Variants in NFIA observed in about 807,000 individuals in gnomAD.
NFIA encodes nuclear factor I A, also known as nuclear factor 1 A-type.
In NFIA, 8 loss-of-function variants were observed where a neutral mutation model predicts 62.8. The observed-to-expected ratio is 0.13, with a 90% CI of 0.07 to 0.23. NFIA has a LOEUF of 0.23. NFIA is among the 10% of genes least tolerant of loss of function. The probability of loss-of-function intolerance (pLI) is 1.00; values close to 1 mark genes in which losing one functional copy is unlikely to be tolerated. For missense variants in NFIA, 410 were observed against 642.1 expected, an observed-to-expected ratio of 0.64 and a Z score of 3.91; for synonymous variants, 235 against 238.1, an observed-to-expected ratio of 0.99 and a Z score of 0.12.
At chr1:61,185,102 G>A (rs553699177) in intron 2 of NFIA, among the ~76,000 whole-genome samples, 1 of 152,276 alleles carries the variant, frequency 6.6e-6, no homozygotes, top group South Asian at 2.1e-4. Context: ...CTTTTGGGGG[G>A]TAACAGAAAA....
chr1:61,130,324 C>G (rs968905892), intron 2 of NFIA, among the ~76,000 whole-genome samples: 2 of 152,026 alleles, frequency 1.3e-5, no homozygotes, highest in African/African-American at 4.8e-5. Flanking sequence ...GTACAACAGA[C>G]AGATGTCATC....
chr1:61,216,723 G>A (rs1653648559), intron 2 of NFIA, among the ~76,000 whole-genome samples: 1 of 152,178 alleles, frequency 6.6e-6, no homozygotes, highest in Non-Finnish European at 1.5e-5. Flanking sequence ...ATTGAGGCTG[G>A]AAGCAGTGGC....
intron 2 of NFIA, among the ~76,000 whole-genome samples, chr1:61,089,251 C>A (rs1038922640): frequency 6.6e-6 from 1 of 152,162 alleles, no homozygotes; most frequent in Non-Finnish European, 1.5e-5. Flanking sequence ...CTAAGGGAAA[C>A]AAACCAGCTC....
intron 2 of NFIA, among the ~76,000 whole-genome samples, chr1:61,176,979 G>A (rs930419666): frequency 2.6e-5 from 4 of 151,966 alleles, no homozygotes; most frequent in African/African-American, 4.8e-5. Context: ...GGTGGCGGGC[G>A]CCTGTAGTCC....
At position 61,460,693 on chromosome 1, in the gene NFIA, A is replaced by G. The variant is rs1289750716; in HGVS notation, c.*5373A>G. ...TATATTAAAATGTAGTGCCTGTGAA[A>G]TCTGTATTATATTGCTCTTCTGAAG... On this transcript the variant is annotated 3_prime_UTR_variant, in exon 11 of 11. Transcript: ENST00000403491. The G allele has an allele frequency of 6.6e-6, 1 of 152,224 alleles. No homozygotes were observed. Among genetic ancestry groups the G allele is most frequent in the Non-Finnish European group, 1.5e-5 (1 of 68,048 alleles). 9.4% of individuals were successfully genotyped at this position (152,224 alleles called of 1,614,324 possible).
chr1:61,334,535 A>ATGTGTGTGTGTG lies in NFIA; in HGVS notation c.700+1959_700+1970dup, dbSNP rs35661377. Among the ~76,000 whole-genome samples the ATGTGTGTGTGTG allele has an allele frequency of 6.2e-3, 360 of 58,356 alleles. 28 individuals carry two copies. The highest frequency in any genetic ancestry group is 0.018 in the African/African-American group (151 of 8,606). 38.3% of individuals were successfully genotyped at this position (58,356 alleles called of 152,430 possible). A position where few individuals can be genotyped will look rare whatever the true frequency, so the allele number is the denominator to read the frequency against. ...GGGGAGTATTTGTGTGTGTGTATAT[A>ATGTGTGTGTGTG]TGTGTGTGTGTGTGTGTGTGTATAT... On this transcript the variant is annotated intron_variant, in intron 4 of 10. Transcript: ENST00000403491.
intron 2 of NFIA, among the ~76,000 whole-genome samples, chr1:61,219,987 A>AAAT (rs1410228700): frequency 6.7e-6 from 1 of 149,496 alleles, no homozygotes; most frequent in Non-Finnish European, 1.5e-5. Flanking sequence ...ATAAATAAAT[A>AAAT]AATAACGCAT....
chr1:61,329,383 T>A (rs1350684166), intron 3 of NFIA, among the ~76,000 whole-genome samples: 1 of 104,044 alleles, frequency 9.6e-6, no homozygotes, highest in African/African-American at 6.6e-5. Flanking sequence ...TTAAAGTAAT[T>A]TTTTTTTTTT....
At chr1:61,389,726 C>A (rs866607512) in intron 7 of NFIA, among the ~76,000 whole-genome samples, 1 of 146,374 alleles carries the variant, frequency 6.8e-6, no homozygotes, top group African/African-American at 2.6e-5. Flanking sequence ...CATAATATAA[C>A]CTGTGCCATC....
intron 2 of NFIA, among the ~76,000 whole-genome samples, chr1:61,206,000 T>C (rs976419944): frequency 2.1e-5 from 3 of 146,110 alleles, no homozygotes; most frequent in African/African-American, 7.6e-5. Flanking sequence ...CACTACACCC[T>C]GACCTCCCTG....
Position 61,406,744 on chromosome 1 carries a change from C to T in NFIA, c.1420+17C>T. ...CGTCACCAAGTAAGTATGGCTGCGA[C>T]AAGGCGCCGGTCACTTCTAAAGCTG... On this transcript the variant is annotated intron_variant, in intron 9 of 10. Coordinates refer to ENST00000403491, the MANE Select transcript of NFIA (RefSeq NM_001134673.4). The T allele has an allele frequency of 5.0e-6, 8 of 1,589,284 alleles. No individual in the cohort carries two copies. Among genetic ancestry groups the T allele is most frequent in the Non-Finnish European group, 6.9e-6 (8 of 1,167,316 alleles).
intron 3 of NFIA, among the ~76,000 whole-genome samples, chr1:61,286,594 A>G (rs138871457): frequency 7.9e-5 from 12 of 152,316 alleles, no homozygotes; most frequent in African/African-American, 2.9e-4. Flanking sequence ...TATTTATCAA[A>G]TACACTCTAA....
chr1:61,096,721 T>A (rs894791371), intron 2 of NFIA, among the ~76,000 whole-genome samples: 14 of 151,586 alleles, frequency 9.2e-5, no homozygotes, highest in Non-Finnish European at 4.4e-5. Context: ...CCAGGCTAAT[T>A]TTTGTATTTT....
intron 2 of NFIA, among the ~76,000 whole-genome samples, chr1:61,210,397 T>C (rs2100602636): frequency 6.6e-6 from 1 of 152,354 alleles, no homozygotes; most frequent in African/African-American, 2.4e-5. Flanking sequence ...GGCTTTAATG[T>C]ACTTTTTTCC....
chr1:61,447,987 C>G (rs1667893766), intron 10 of NFIA, among the ~76,000 whole-genome samples: 3 of 152,178 alleles, frequency 2.0e-5, no homozygotes, highest in Non-Finnish European at 4.4e-5. Flanking sequence ...TTAACACACC[C>G]TAAGCTGCTT....
intron 2 of NFIA, among the ~76,000 whole-genome samples, chr1:61,200,231 A>T (rs1233827133): frequency 1.3e-5 from 2 of 151,152 alleles, no homozygotes; most frequent in East Asian, 3.9e-4. Context: ...CTCCCCTTTG[A>T]CTAGCGTCAT....
At chr1:61,153,165 G>A (rs1462877084) in intron 2 of NFIA, among the ~76,000 whole-genome samples, 1 of 152,222 alleles carries the variant, frequency 6.6e-6, no homozygotes, top group Non-Finnish European at 1.5e-5. Context: ...AATACTGCCG[G>A]CACAGTGTTT....
chr1:61,102,914 A>G (rs1157639680), intron 2 of NFIA, among the ~76,000 whole-genome samples: 2 of 152,176 alleles, frequency 1.3e-5, no homozygotes, highest in African/African-American at 4.8e-5. Context: ...AGTAGAAGTT[A>G]AAGTCTGAGA....
intron 6 of NFIA, among the ~76,000 whole-genome samples, chr1:61,378,275 A>G (rs969389262): frequency 1.3e-5 from 2 of 152,202 alleles, no homozygotes; most frequent in African/African-American, 4.8e-5. Flanking sequence ...CACTCAATCT[A>G]ATTTTGTTAT....
Sources: allele counts gnomAD v4.1 joint callset (sites outside exome capture counted in the v4.1 genomes callset), GRCh38; gene constraint gnomAD v4.1.1; transcripts MANE v1.5; gene names NCBI Gene and HGNC (gene_info 2026-07-23, HGNC 2026-07-21).